Variants in TRIM36 observed in about 807,000 individuals in gnomAD.
TRIM36 encodes the protein E3 ubiquitin-protein ligase TRIM36.
TRIM36 carries 42 observed loss-of-function variants against 72.4 expected under a neutral mutation model. The observed-to-expected ratio is 0.58, with a 90% CI of 0.45 to 0.75. TRIM36 has a LOEUF of 0.75. Among genes scored for constraint, TRIM36 ranks in the 30% least tolerant of loss-of-function variants. TRIM36 has a pLI of 0.00. For synonymous variants in TRIM36, 315 were observed against 282.8 expected, an observed-to-expected ratio of 1.11 and a Z score of -1.14; for missense variants, 913 against 857.1, an observed-to-expected ratio of 1.07 and a Z score of -0.81.
rs751126201 is a variant in TRIM36 at position 115,163,586 on chromosome 5, T to C, written c.194A>G (p.Asn65Ser). The change falls in exon 2 of 10, where the codon AAT (asparagine) becomes AGT (serine). Residue 65 changes from asparagine to serine, a missense_variant. Coordinates refer to ENST00000513154, the MANE Select transcript of TRIM36 (RefSeq NM_001300759.2). ...SFNDVGSDNSNQSSPRLRLPS... is the reference protein window; with the variant it reads ...SFNDVGSDNSSQSSPRLRLPS... ...GAGCCGAAGTCGAGGACTGCTTTGA[T>C]TGGAGTTGTCTGATCCCACATCGTT... 49 of 1,614,064 alleles carry C rather than the reference T, an allele frequency of 3.0e-5. No homozygotes were observed. Among genetic ancestry groups the C allele is most frequent in the Middle Eastern group, 1.6e-4 (1 of 6,084 alleles).
At chr5:115,144,019 C>T (rs933879399) in intron 4 of TRIM36, among the ~76,000 whole-genome samples, 17 of 148,302 alleles carry the variant, frequency 1.1e-4, no homozygotes, top group African/African-American at 2.8e-4. Flanking sequence ...TACAGGTGCC[C>T]GCCACCATGC....
Position 115,144,672 on chromosome 5 carries a change from G to A in TRIM36, c.661C>T (p.His221Tyr). 6.2e-7 allele frequency: 1 copy of A among 1,614,076 alleles called. No homozygotes were observed. The highest frequency in any genetic ancestry group is 8.5e-7 in the Non-Finnish European group (1 of 1,179,992). Reference protein sequence around the residue: ...YCELCRRPVCHLCKLGGNHAN... With the variant: ...YCELCRRPVCYLCKLGGNHAN... ...TGATTACCACCCAACTTACACAGAT[G>A]GCAAACTGGCCTCCTACATAATTCA... is the stretch of plus-strand genomic sequence containing the variant. The change falls in exon 4 of 10, where the codon CAT (histidine) becomes TAT (tyrosine). Residue 221 changes from histidine to tyrosine, a missense_variant. Transcript: ENST00000513154.
chr5:115,166,009 G>A (rs1754756626), intron 1 of TRIM36, among the ~76,000 whole-genome samples: 1 of 152,176 alleles, frequency 6.6e-6, no homozygotes, highest in Admixed American at 6.5e-5. Flanking sequence ...TGATGAACGT[G>A]GGAGGGAGGC....
intron 2 of TRIM36, among the ~76,000 whole-genome samples, chr5:115,156,300 T>TA (rs553285976): frequency 7.2e-4 from 105 of 146,008 alleles, no homozygotes; most frequent in African/African-American, 1.4e-3. Context: ...CATCACAAAT[T>TA]AAAAAAAAAA....
intron 1 of TRIM36, chr5:115,177,504 A>G: frequency 7.7e-7 from 1 of 1,304,798 alleles, no homozygotes; most frequent in Admixed American, 3.2e-5. Context: ...ACCGAACCCC[A>G]CAGAGGAAAA....
At chr5:115,166,878 G>A (rs896406923) in intron 1 of TRIM36, among the ~76,000 whole-genome samples, 5 of 152,084 alleles carry the variant, frequency 3.3e-5, no homozygotes, top group African/African-American at 7.2e-5. Context: ...TCCAGCCACA[G>A]CAAGGAGCCG....
At chr5:115,134,761 C>T (rs923295991) in intron 7 of TRIM36, among the ~76,000 whole-genome samples, 6 of 152,132 alleles carry the variant, frequency 3.9e-5, no homozygotes, top group African/African-American at 1.4e-4. Context: ...AGGATGTTCT[C>T]GATCTCCTGA....
chr5:115,135,405 A>T (rs1752907962), intron 7 of TRIM36, among the ~76,000 whole-genome samples: 1 of 152,212 alleles, frequency 6.6e-6, no homozygotes, highest in Non-Finnish European at 1.5e-5. Context: ...ATTTAAAAAA[A>T]AAGTTACAGA....
chr5:115,134,008 T>C lies in TRIM36; in HGVS notation c.1350A>G (p.Ser450=). ...YRKINRDDEM[S]WNEIEVCGTS... ...TTCCACACACTTCTATCTCATTCCA[T>C]GACATTTCATCATCTCTATTGATTT... The change falls in exon 8 of 10, where the codon TCA becomes TCG. Residue 450 remains serine, a synonymous_variant. Transcript: ENST00000513154. The C allele has an allele frequency of 6.2e-7, 1 of 1,613,856 alleles. No homozygotes were observed. The highest frequency in any genetic ancestry group is 8.5e-7 in the Non-Finnish European group (1 of 1,179,832).
chr5:115,138,194 G>T lies in TRIM36; in HGVS notation c.832-578C>A, dbSNP rs577081352. On this transcript the variant is annotated intron_variant, in intron 5 of 9. Transcript: ENST00000513154. ...GGCTCACTGTAACCTCCGCCTTCTG[G>T]GTTCAGGTGATTCTCCTGCCTCAGC... Among the ~76,000 whole-genome samples, 3 of 152,222 alleles carry T rather than the reference G, an allele frequency of 2.0e-5. No individual in the cohort carries two copies. In the South Asian group the frequency reaches 6.2e-4, roughly 32 times the overall value.
intron 1 of TRIM36, chr5:115,177,858 G>T (rs1755409727): frequency 1.2e-6 from 2 of 1,613,974 alleles, no homozygotes; most frequent in Non-Finnish European, 1.7e-6. Flanking sequence ...TTTGCTGCAG[G>T]CCCATTGCTG....
In TRIM36 at chr5:115,137,010, A is replaced by C. The variant is rs200727637; in HGVS notation, c.1200T>G (p.Phe400Leu). The change falls in exon 7 of 10, where the codon TTT becomes TTG. Residue 400 changes from phenylalanine (F) to leucine (L), a missense_variant. Physicochemically the swap from Phe to Leu is conservative, Grantham distance 22. Coordinates refer to ENST00000513154, the MANE Select transcript of TRIM36 (RefSeq NM_001300759.2). ...TTCATTAAGACTTACCACTAGAGAA[A>C]AAGGATAATTCTCCAAGAAGTTCTG... is the stretch of plus-strand genomic sequence containing the variant. ...KQTELLGELS[F>L]FSSGIDVPEI... The C allele has an allele frequency of 1.3e-5, 21 of 1,595,500 alleles. No homozygotes were observed. The East Asian group carries it at 3.6e-4, about 27-fold the overall frequency.
At chr5:115,149,763 A>T (rs1753787519) in intron 2 of TRIM36, 1 of 151,830 alleles carries the variant, frequency 6.6e-6, no homozygotes, top group South Asian at 2.1e-4. Context: ...AGATCTTGAA[A>T]GCTCTTTTTT....
At chr5:115,135,950 T>C (rs1446016993) in intron 7 of TRIM36, among the ~76,000 whole-genome samples, 2 of 152,106 alleles carry the variant, frequency 1.3e-5, no homozygotes, top group African/African-American at 4.8e-5. Flanking sequence ...ATACTATAAA[T>C]ATATCTTTGT....
chr5:115,179,931 G>T (rs1416732004), intron 1 of TRIM36: 1 of 1,584,660 alleles, frequency 6.3e-7, no homozygotes. Flanking sequence ...GGTAGTGCCG[G>T]AGTCGGGGGC....
intron 2 of TRIM36, among the ~76,000 whole-genome samples, chr5:115,157,120 C>A (rs1379233927): frequency 6.6e-6 from 1 of 151,806 alleles, no homozygotes; most frequent in Non-Finnish European, 1.5e-5. Context: ...TGTGATACCA[C>A]CTTACTCCTG....
intron 1 of TRIM36, among the ~76,000 whole-genome samples, chr5:115,179,651 T>C (rs1347341148): frequency 6.6e-6 from 1 of 152,224 alleles, no homozygotes; most frequent in African/African-American, 2.4e-5. Context: ...CAGCGCCCCC[T>C]TGGCCAACGC....
intron 4 of TRIM36, among the ~76,000 whole-genome samples, chr5:115,142,226 A>G (rs1379968911): frequency 6.6e-6 from 1 of 152,136 alleles, no homozygotes; most frequent in African/African-American, 2.4e-5. Context: ...GGTGCTCAAC[A>G]AGAGGGCACT....
intron 3 of TRIM36, among the ~76,000 whole-genome samples, chr5:115,146,478 C>A (rs1753599154): frequency 6.6e-6 from 1 of 152,104 alleles, no homozygotes; most frequent in African/African-American, 2.4e-5. Context: ...TTTCCAGGCA[C>A]ACAGCAGGGC....
Sources: allele counts gnomAD v4.1 joint callset (sites outside exome capture counted in the v4.1 genomes callset), GRCh38; gene constraint gnomAD v4.1.1; transcripts MANE v1.5; gene names NCBI Gene and HGNC (gene_info 2026-07-23, HGNC 2026-07-21).